UBE2F: variants seen among roughly 807,000 people sequenced by gnomAD.
UBE2F encodes ubiquitin conjugating enzyme E2 F (putative).
Under a neutral mutation model 29.6 loss-of-function variants are expected in UBE2F, and 5 were observed. The observed-to-expected ratio is 0.17, with a 90% CI of 0.09 to 0.36. UBE2F has a LOEUF of 0.36. Among genes scored for constraint, UBE2F ranks in the 10% least tolerant of loss-of-function variants. The pLI, the probability that UBE2F is intolerant of heterozygous loss-of-function variation, is 1.00. For missense variants in UBE2F, 141 were observed against 228.5 expected, an observed-to-expected ratio of 0.62 and a Z score of 2.47; for synonymous variants, 66 against 81.8, an observed-to-expected ratio of 0.81 and a Z score of 1.04.
In UBE2F at chr2:237,967,097, G is replaced by A; in HGVS notation, c.-52G>A. On this transcript the variant is annotated 5_prime_UTR_variant, in exon 1 of 10. Coordinates refer to ENST00000272930, the MANE Select transcript of UBE2F (RefSeq NM_080678.3). The surrounding 1 kb of genome is among the most constrained non-coding windows in gnomAD (Gnocchi z 6.3). The stretch of plus-strand genomic sequence containing the variant: ...CCGCCCGGACCGGGCATGGTGTTGG[G>A]CGCCGGGCCCGCCTCGCCTGTCTCG... The A allele has an allele frequency of 7.4e-7, 1 of 1,348,918 alleles. No individual in the cohort carries two copies. Among genetic ancestry groups the A allele is most frequent in the Non-Finnish European group, 9.6e-7 (1 of 1,046,740 alleles). The allele number at this position is 1,348,918 out of a possible 1,614,324, so 83.6% of individuals were successfully genotyped here. A position where few individuals can be genotyped will look rare whatever the true frequency, so the allele number is the denominator to read the frequency against.
chr2:238,039,456 A>G (rs1364944611), intron 9 of UBE2F, among the ~76,000 whole-genome samples: 1 of 152,222 alleles, frequency 6.6e-6, no homozygotes, highest in Non-Finnish European at 1.5e-5. Flanking sequence ...ATGGAATAGT[A>G]GGAGCCAGGC....
chr2:238,032,156 C>A, intron 7 of UBE2F, 66 bp from the exon 8 acceptor site: 1 of 1,288,540 alleles, frequency 7.8e-7, no homozygotes, highest in South Asian at 1.2e-5. Flanking sequence ...ATTTCTTGAT[C>A]ATGGGTTTAA....
At chr2:237,976,626 AG>A (rs781500574) in intron 2 of UBE2F, among the ~76,000 whole-genome samples, 2 of 152,190 alleles carry the variant, frequency 1.3e-5, no homozygotes, top group Non-Finnish European at 2.9e-5. Context: ...AAGGGCAAAA[AG>A]GGCCTAAGCT....
chr2:238,026,307 G>A (rs1390168864), intron 6 of UBE2F, among the ~76,000 whole-genome samples: 2 of 152,136 alleles, frequency 1.3e-5, no homozygotes, highest in Admixed American at 1.3e-4. Context: ...TGCAATTAGT[G>A]GCCTAAGTCA....
chr2:238,036,072 A>G, intron 9 of UBE2F, 132 bp downstream of exon 9: 2 of 757,044 alleles, frequency 2.6e-6, no homozygotes, highest in Non-Finnish European at 4.5e-6. Flanking sequence ...ATTCAAAGCA[A>G]TTTGTAAACA....
chr2:237,987,096 C>T (rs1375054766), intron 2 of UBE2F, among the ~76,000 whole-genome samples: 2 of 152,126 alleles, frequency 1.3e-5, no homozygotes, highest in Admixed American at 6.5e-5. Flanking sequence ...GACATTTTAA[C>T]AATATTAATT....
chr2:238,005,811 A>G (rs963115322), intron 4 of UBE2F, among the ~76,000 whole-genome samples: 1 of 152,094 alleles, frequency 6.6e-6, no homozygotes, highest in African/African-American at 2.4e-5. Flanking sequence ...CTTTATAGTA[A>G]GTCTTGAAAT....
At chr2:238,026,063 A>G (rs1032822527) in intron 6 of UBE2F, among the ~76,000 whole-genome samples, 1 of 152,168 alleles carries the variant, frequency 6.6e-6, no homozygotes, top group African/African-American at 2.4e-5. Context: ...TTTTTTCTGC[A>G]CTTTGTCCCT....
chr2:237,975,741 C>T (rs867238119), intron 2 of UBE2F, among the ~76,000 whole-genome samples: 7 of 152,132 alleles, frequency 4.6e-5, no homozygotes, highest in African/African-American at 1.2e-4. Flanking sequence ...TGGGTTCAAG[C>T]GATTCTCATG....
chr2:237,974,509 T>G (rs1234642252), intron 2 of UBE2F, among the ~76,000 whole-genome samples: 1 of 117,656 alleles, frequency 8.5e-6, no homozygotes, highest in African/African-American at 3.3e-5. Context: ...TGGTTTTTTT[T>G]TTTTTGTTTT....
chr2:238,025,228 ACT>A, intron 5 of UBE2F, 112 bp from the exon 6 acceptor site: 1 of 875,506 alleles, frequency 1.1e-6, no homozygotes, highest in Non-Finnish European at 1.9e-6. Flanking sequence ...CAAACTGCAC[ACT>A]GAGTCAGCCA....
intron 7 of UBE2F, among the ~76,000 whole-genome samples, chr2:238,030,888 C>T (rs2064559876): frequency 6.6e-6 from 1 of 152,246 alleles, no homozygotes; most frequent in Non-Finnish European, 1.5e-5. Context: ...AGCCAAACCA[C>T]CCGCCACATA....
intron 6 of UBE2F, among the ~76,000 whole-genome samples, chr2:238,025,900 C>T (rs2064416075): frequency 6.6e-6 from 1 of 152,244 alleles, no homozygotes; most frequent in African/African-American, 2.4e-5. Context: ...GGGCAGGCAG[C>T]CTCTCGGAGC....
At chr2:238,029,903 G>C (rs997390777) in intron 6 of UBE2F, among the ~76,000 whole-genome samples, 1 of 151,616 alleles carries the variant, frequency 6.6e-6, no homozygotes, top group African/African-American at 2.4e-5. Context: ...AGTTACTCCT[G>C]TTGTCATGTT....
rs150486463 is a variant in UBE2F, at chr2:238,008,016, C to T, written c.215-8550C>T. 2.3e-3 allele frequency among the ~76,000 whole-genome samples: 348 copies of T among 152,176 alleles called. 1 individual carries two copies. The highest frequency in any genetic ancestry group is 0.017 in the Middle Eastern group (5 of 292). On this transcript the variant is annotated intron_variant, in intron 4 of 9. Transcript: ENST00000272930. ...TTGCCCAGGCTGAAGCACAGTGGCA[C>T]GATCACGCCTCACTGCAGCCTCAAC... is the stretch of plus-strand genomic sequence containing the variant.
At chr2:237,988,950 A>C (rs2063532944) in intron 3 of UBE2F, among the ~76,000 whole-genome samples, 1 of 152,176 alleles carries the variant, frequency 6.6e-6, no homozygotes, top group Non-Finnish European at 1.5e-5. Context: ...AGCACCGTAC[A>C]TTCGGAAAGC....
At chr2:238,013,304 G>T (rs914100037) in intron 4 of UBE2F, among the ~76,000 whole-genome samples, 3 of 152,132 alleles carry the variant, frequency 2.0e-5, no homozygotes, top group Admixed American at 6.5e-5. Context: ...AATGGTTATA[G>T]ATAGGGAAAA....
intron 6 of UBE2F, among the ~76,000 whole-genome samples, chr2:238,026,204 G>C (rs999918506): frequency 1.8e-4 from 28 of 152,200 alleles, no homozygotes; most frequent in Admixed American, 5.2e-4. Flanking sequence ...CTTTAGGCTA[G>C]GTATTTGAAC....
intron 5 of UBE2F, among the ~76,000 whole-genome samples, chr2:238,020,901 G>A (rs1171584119): frequency 6.6e-6 from 1 of 152,230 alleles, no homozygotes; most frequent in African/African-American, 2.4e-5. Flanking sequence ...GACAGACGCT[G>A]ACATGACAAT....
Sources: allele counts gnomAD v4.1 joint callset (sites outside exome capture counted in the v4.1 genomes callset), GRCh38; gene constraint gnomAD v4.1.1; non-coding constraint Gnocchi (gnomAD v3.1); transcripts MANE v1.5; gene names NCBI Gene and HGNC (gene_info 2026-07-23, HGNC 2026-07-21).